The following PSPC1 variants were observed in gnomAD, a reference collection of about 807,000 sequenced individuals.
PSPC1 encodes paraspeckle component 1.
In PSPC1, 14 loss-of-function variants were observed where a neutral mutation model predicts 51.6. The observed-to-expected ratio is 0.27, with a 90% CI of 0.18 to 0.42. The LOEUF is 0.42. Ranked by LOEUF, PSPC1 falls within the 10% of genes least tolerant of loss-of-function variation. The pLI, the probability that PSPC1 is intolerant of heterozygous loss-of-function variation, is 1.00. For synonymous variants in PSPC1, 193 were observed against 231.9 expected (o/e 0.83, Z 1.53); for missense variants, 406 against 701.1 (o/e 0.58, Z 4.75).
chr13:19,743,142 T>A (rs971106181), intron 4 of PSPC1, among the ~76,000 whole-genome samples: 2 of 152,178 alleles, frequency 1.3e-5, no homozygotes, highest in African/African-American at 4.8e-5. Context: ...AAGCTAAAAA[T>A]CTTTGTGTGT....
downstream of PSPC1, chr13:19,702,354 T>C (rs1251043081): frequency 1.3e-5 from 2 of 152,138 alleles, no homozygotes; most frequent in Non-Finnish European, 2.9e-5. Context: ...AACCCAACAG[T>C]ATTGTTTTAT....
At chr13:19,675,339 C>G (rs1384037293) in intron 7 of PSPC1, 1 of 152,198 alleles carries the variant, frequency 6.6e-6, no homozygotes, top group East Asian at 1.9e-4. Flanking sequence ...TTGTGCATTG[C>G]TGCCATACTA....
intron 6 of PSPC1, among the ~76,000 whole-genome samples, chr13:19,680,932 A>G (rs1467341147): frequency 6.6e-6 from 1 of 152,248 alleles, no homozygotes; most frequent in Non-Finnish European, 1.5e-5. Flanking sequence ...ACATTAAAAT[A>G]CAAGGCCGGG....
At chr13:19,726,600 C>T (rs533736960) in intron 6 of PSPC1, among the ~76,000 whole-genome samples, 8 of 152,258 alleles carry the variant, frequency 5.3e-5, no homozygotes, top group South Asian at 2.1e-4. Context: ...GTGTTTATTA[C>T]GTACATTGGA....
In PSPC1 at chr13:19,780,598, G is replaced by A. The variant is rs563756976; in HGVS notation, c.372+1788C>T. Among the ~76,000 whole-genome samples the A allele has an allele frequency of 2.0e-4, 23 of 117,310 alleles. 1 individual carries two copies. The South Asian group carries it at 8.0e-3, about 41-fold the overall frequency. The allele number at this position is 117,310 out of a possible 152,430, so 77.0% of individuals were successfully genotyped here. A position where few individuals can be genotyped will look rare whatever the true frequency, so the allele number is the denominator to read the frequency against. ...GGTGCAAGATGTGCTTTGTTAAACA[G>A]ATGCTTGAAGGCAGCATGCTCGTTA... On this transcript the variant is annotated intron_variant, in intron 1 of 8. Coordinates refer to ENST00000338910, the MANE Select transcript of PSPC1 (RefSeq NM_001354909.2).
downstream of PSPC1, among the ~76,000 whole-genome samples, chr13:19,698,821 A>G (rs1414979572): frequency 2.0e-5 from 3 of 151,966 alleles, no homozygotes; most frequent in Non-Finnish European, 4.4e-5. Context: ...TTTAATGTGT[A>G]TGTATAAACT....
At chr13:19,730,895 G>A (rs1883965393) in intron 5 of PSPC1, among the ~76,000 whole-genome samples, 1 of 146,464 alleles carries the variant, frequency 6.8e-6, no homozygotes, top group Non-Finnish European at 1.5e-5. Context: ...TGCAGTGAGC[G>A]GAGATCGCGC....
intron 6 of PSPC1, among the ~76,000 whole-genome samples, chr13:19,680,467 T>C (rs549523966): frequency 2.0e-5 from 3 of 152,346 alleles, no homozygotes; most frequent in African/African-American, 7.2e-5. Context: ...ACCATCACAA[T>C]GAGCTACTAC....
At chr13:19,761,860 A>G (rs1298231474) in intron 2 of PSPC1, among the ~76,000 whole-genome samples, 1 of 152,218 alleles carries the variant, frequency 6.6e-6, no homozygotes, top group Non-Finnish European at 1.5e-5. Context: ...ACCTGAGCAG[A>G]GGCCAACAAA....
At chr13:19,766,695 G>C (rs1460678449) in intron 2 of PSPC1, among the ~76,000 whole-genome samples, 1 of 151,506 alleles carries the variant, frequency 6.6e-6, no homozygotes, top group Non-Finnish European at 1.5e-5. Context: ...CTATCAATAA[G>C]AAATCGTTAG....
chr13:19,709,669 A>G (rs1378566513), intron 6 of PSPC1, 70 bp from the exon 7 acceptor site: 2 of 1,241,642 alleles, frequency 1.6e-6, no homozygotes, highest in Non-Finnish European at 1.1e-6. Flanking sequence ...TCTAAAATCA[A>G]AAAGAAAAGA....
chr13:19,698,336 A>G (rs1879489989), downstream of PSPC1, among the ~76,000 whole-genome samples: 1 of 152,038 alleles, frequency 6.6e-6, no homozygotes, highest in African/African-American at 2.4e-5. Context: ...AGATTAAGGT[A>G]TCTATTTCAA....
chr13:19,701,465 T>C (rs1879896145), downstream of PSPC1, among the ~76,000 whole-genome samples: 2 of 152,058 alleles, frequency 1.3e-5, no homozygotes, highest in South Asian at 2.1e-4. Flanking sequence ...AACATGAGAA[T>C]AGTCTTTGAC....
chr13:19,760,674 C>T (rs941044409), intron 2 of PSPC1, among the ~76,000 whole-genome samples: 9 of 151,688 alleles, frequency 5.9e-5, no homozygotes, highest in African/African-American at 1.7e-4. Flanking sequence ...GGAAAGATGA[C>T]GAGATCCTGT....
At chr13:19,717,598 C>T (rs1487241840) in intron 6 of PSPC1, among the ~76,000 whole-genome samples, 3 of 145,484 alleles carry the variant, frequency 2.1e-5, no homozygotes, top group Non-Finnish European at 3.0e-5. Context: ...CCCAGCTACT[C>T]GGGAGGCTGA....
chr13:19,743,772 A>G lies in PSPC1; in HGVS notation c.968-2123T>C, dbSNP rs567657148. Among the ~76,000 whole-genome samples, 299 of 152,312 alleles carry G rather than the reference A, an allele frequency of 2.0e-3. 1 individual carries two copies. Among genetic ancestry groups the G allele is most frequent in the African/African-American group, 6.8e-3 (283 of 41,568 alleles). ...ATGACCGCAATTATTTCGAACCTTTATAACATAATTCTCAACCTTAAATAC... is the reference window on the plus strand; with the variant it reads ...ATGACCGCAATTATTTCGAACCTTTGTAACATAATTCTCAACCTTAAATAC... On this transcript the variant is annotated intron_variant, in intron 4 of 8. Coordinates refer to ENST00000338910, the MANE Select transcript of PSPC1 (RefSeq NM_001354909.2).
chr13:19,696,474 G>C (rs1464983085), intron 6 of PSPC1, among the ~76,000 whole-genome samples: 1 of 151,002 alleles, frequency 6.6e-6, no homozygotes, highest in African/African-American at 2.4e-5. Flanking sequence ...GCATAATTTT[G>C]AGTAGGCCTT....
At chr13:19,766,483 A>T (rs982733350) in intron 2 of PSPC1, among the ~76,000 whole-genome samples, 1 of 152,152 alleles carries the variant, frequency 6.6e-6, no homozygotes, top group African/African-American at 2.4e-5. Flanking sequence ...ACTTGAGCCC[A>T]AGAGTTCAAG....
chr13:19,676,465 A>T (rs763979147), intron 7 of PSPC1, among the ~76,000 whole-genome samples: 5 of 152,094 alleles, frequency 3.3e-5, no homozygotes, highest in Middle Eastern at 3.2e-3. Flanking sequence ...GTGCTGCATG[A>T]GGTGTCAGAT....
Sources: gnomAD v4.1 joint callset for allele counts (sites outside exome capture counted in the v4.1 genomes callset) on GRCh38, gnomAD v4.1.1 for gene constraint, MANE v1.5 for transcripts, NCBI Gene and HGNC (gene_info 2026-07-23, HGNC 2026-07-21) for gene names.